Variants in SNTG1 observed in about 807,000 individuals in gnomAD.
The protein encoded by SNTG1 is syntrophin gamma 1.
A neutral mutation model predicts 74.7 loss-of-function variants in SNTG1; 39 were observed. The ratio of observed to expected loss-of-function variants is 0.52; its 90% CI spans 0.40 to 0.68. SNTG1 has a LOEUF of 0.68. Ranked by LOEUF, SNTG1 falls within the 30% of genes least tolerant of loss-of-function variation. The pLI, the probability that SNTG1 is intolerant of heterozygous loss-of-function variation, is 0.00. For synonymous variants in SNTG1, 254 were observed against 217.1 expected, an observed-to-expected ratio of 1.17 and a Z score of -1.49; for missense variants, 685 against 609.5, an observed-to-expected ratio of 1.12 and a Z score of -1.30.
At chr8:50,752,741 T>G (rs892849858) in intron 18 of SNTG1, among the ~76,000 whole-genome samples, 21 of 151,992 alleles carry the variant, frequency 1.4e-4, no homozygotes, top group African/African-American at 2.4e-5. Flanking sequence ...TAAGAAGCCT[T>G]AGCCTGACAT....
intron 1 of SNTG1, among the ~76,000 whole-genome samples, chr8:50,145,624 C>T (rs1334297826): frequency 6.6e-6 from 1 of 152,126 alleles, no homozygotes; most frequent in Non-Finnish European, 1.5e-5. Context: ...TGTTGAGAAA[C>T]TCATGCTGAC....
At chr8:50,193,060 G>A (rs766782642) in intron 2 of SNTG1, among the ~76,000 whole-genome samples, 2 of 152,040 alleles carry the variant, frequency 1.3e-5, no homozygotes, top group African/African-American at 4.8e-5. Context: ...TGGCCTTATA[G>A]TATAGTTTGA....
At chr8:49,935,859 C>T (rs145389124) in intron 1 of SNTG1, among the ~76,000 whole-genome samples, 6 of 152,336 alleles carry the variant, frequency 3.9e-5, no homozygotes, top group Admixed American at 6.5e-5. Flanking sequence ...TTCATTCTCC[C>T]TTCATCTTCC....
intron 2 of SNTG1, among the ~76,000 whole-genome samples, chr8:50,312,399 A>G (rs2090148813): frequency 6.6e-6 from 1 of 152,222 alleles, no homozygotes; most frequent in East Asian, 1.9e-4. Flanking sequence ...TTGATATGAA[A>G]TTTTGGTATA....
At chr8:50,416,858 T>A (rs2093020563) in intron 4 of SNTG1, among the ~76,000 whole-genome samples, 1 of 29,304 alleles carries the variant, frequency 3.4e-5, no homozygotes, top group Non-Finnish European at 1.2e-4. Flanking sequence ...ATTAGAGCAA[T>A]GGAGTCAAGC....
chr8:50,734,772 TATATATAGATATCTATATATATGGAC>T, intron 17 of SNTG1, among the ~76,000 whole-genome samples: 1 of 101,758 alleles, frequency 9.8e-6, no homozygotes, highest in Non-Finnish European at 1.7e-5. Context: ...TATATGGACA[TATATATAGATATCTATATATATGGAC>T]ATATATATAG....
At chr8:50,754,853 T>A (rs2095576340) in intron 18 of SNTG1, among the ~76,000 whole-genome samples, 1 of 151,950 alleles carries the variant, frequency 6.6e-6, no homozygotes, top group South Asian at 2.1e-4. Flanking sequence ...TGACATCTTG[T>A]GTTTCTATTT....
chr8:50,687,830 T>A (rs1168934247), intron 15 of SNTG1, among the ~76,000 whole-genome samples: 1 of 152,178 alleles, frequency 6.6e-6, no homozygotes, highest in Non-Finnish European at 1.5e-5. Flanking sequence ...TGTTTGGTTT[T>A]TTGTCCTTGC....
Position 50,795,708 on chromosome 8 carries a change from A to G in SNTG1, c.*2879A>G, listed in dbSNP as rs1802779253. On this transcript the variant is annotated 3_prime_UTR_variant, in exon 19 of 19. Transcript: ENST00000642720. The stretch of plus-strand genomic sequence containing the variant: ...CAAAGTCATTTGAAAACTGCTAACT[A>G]CTATAATAATGTCTTTTGCCTGATA... 3.9e-5 allele frequency: 6 copies of G among 152,206 alleles called. No individual in the cohort carries two copies. The South Asian group carries it at 8.3e-4, about 21-fold the overall frequency. 9.4% of individuals were successfully genotyped at this position (152,206 alleles called of 1,614,324 possible). A position where few individuals can be genotyped will look rare whatever the true frequency, so the allele number is the denominator to read the frequency against.
At chr8:50,170,800 G>A (rs1313996816) in intron 1 of SNTG1, among the ~76,000 whole-genome samples, 1 of 152,148 alleles carries the variant, frequency 6.6e-6, no homozygotes, top group East Asian at 1.9e-4. Flanking sequence ...CTAGGACTGA[G>A]GTCCCCACAT....
At chr8:50,333,486 T>C (rs76573944) in intron 2 of SNTG1, among the ~76,000 whole-genome samples, 1 of 152,394 alleles carries the variant, frequency 6.6e-6, no homozygotes, top group African/African-American at 2.4e-5. Context: ...ACCATGTTTA[T>C]AATACTTCAG....
intron 8 of SNTG1, among the ~76,000 whole-genome samples, chr8:50,491,896 C>G (rs1455755675): frequency 1.4e-5 from 2 of 147,650 alleles, no homozygotes; most frequent in Non-Finnish European, 3.0e-5. Context: ...GCCCCCCTAC[C>G]ACCCGCAGGC....
At chr8:50,508,187 C>G (rs1057020996) in intron 9 of SNTG1, among the ~76,000 whole-genome samples, 2 of 151,978 alleles carry the variant, frequency 1.3e-5, no homozygotes, top group Non-Finnish European at 2.9e-5. Context: ...TTTGTCCTTG[C>G]GATAATTTGC....
chr8:50,626,322 A>G (rs16915112), intron 13 of SNTG1, among the ~76,000 whole-genome samples: 9,996 of 152,230 alleles, frequency 0.066, 893 homozygotes, highest in African/African-American at 0.2. Context: ...TGGAGATTCC[A>G]TAGTTCAATT....
intron 1 of SNTG1, among the ~76,000 whole-genome samples, chr8:49,995,088 G>A (rs545233514): frequency 3.9e-5 from 6 of 152,134 alleles, no homozygotes; most frequent in South Asian, 2.1e-4. Context: ...AAAGACTAAT[G>A]GAAATGAAGA....
rs774363405 is a variant in SNTG1, at chr8:50,536,713, A to C, written c.585A>C (p.Pro195=). 1 of 1,613,948 alleles carries C rather than the reference A, an allele frequency of 6.2e-7. No homozygotes were observed. Among genetic ancestry groups the C allele is most frequent in the Non-Finnish European group, 8.5e-7 (1 of 1,179,846 alleles). ...CATGCTCGTCGTGGCCGACGTCTCC[A>C]GGCTTGAGGTGGGAGAAGCGATGGT... ...TLSCSSWPTS[P]GLRWEKRWCD... is the part of the protein sequence containing the mutation. The change falls in exon 11 of 19, where the codon CCA becomes CCC. Residue 195 remains proline (P), a synonymous_variant. Coordinates refer to ENST00000642720, the MANE Select transcript of SNTG1 (RefSeq NM_018967.5).
At chr8:50,296,527 A>G (rs963946905) in intron 2 of SNTG1, among the ~76,000 whole-genome samples, 5 of 152,036 alleles carry the variant, frequency 3.3e-5, no homozygotes, top group African/African-American at 1.2e-4. Flanking sequence ...AAAACTAAAC[A>G]CCTCATGTTC....
chr8:50,096,655 T>C (rs546528398), intron 1 of SNTG1, among the ~76,000 whole-genome samples: 2 of 152,314 alleles, frequency 1.3e-5, no homozygotes, highest in South Asian at 4.1e-4. Flanking sequence ...TGGCAAGATA[T>C]AACATATTTC....
chr8:50,165,468 A>G (rs2082579938), intron 1 of SNTG1, among the ~76,000 whole-genome samples: 1 of 152,200 alleles, frequency 6.6e-6, no homozygotes, highest in Non-Finnish European at 1.5e-5. Flanking sequence ...TTTGCTGTAG[A>G]GTTTGTTCAT....
Sources: allele counts gnomAD v4.1 joint callset (sites outside exome capture counted in the v4.1 genomes callset), GRCh38; gene constraint gnomAD v4.1.1; transcripts MANE v1.5; gene names NCBI Gene and HGNC (gene_info 2026-07-23, HGNC 2026-07-21).